The following COL4A3 variants were observed in gnomAD, a reference collection of about 807,000 sequenced individuals.
COL4A3 encodes collagen alpha-3(IV) chain.
In COL4A3, 135 loss-of-function variants were observed where a neutral mutation model predicts 217.4. The observed-to-expected ratio is 0.62, with a 90% CI of 0.54 to 0.72. The LOEUF is 0.72. COL4A3 is among the 30% of genes least tolerant of loss of function. The pLI, the probability that COL4A3 is intolerant of heterozygous loss-of-function variation, is 0.00. For synonymous variants in COL4A3, 690 were observed against 736.3 expected, an observed-to-expected ratio of 0.94 and a Z score of 1.02; for missense variants, 1,868 against 2,119.9, an observed-to-expected ratio of 0.88 and a Z score of 2.33.
intron 20 of COL4A3, 92 bp from the exon 21 acceptor site, chr2:227,263,688 T>C: frequency 1.5e-6 from 2 of 1,304,184 alleles, no homozygotes; most frequent in Non-Finnish European, 1.1e-6. Flanking sequence ...GCAATTTTTA[T>C]AAATAAAATT....
At chr2:227,167,704 A>G (rs2065328488) in intron 1 of COL4A3, among the ~76,000 whole-genome samples, 1 of 152,208 alleles carries the variant, frequency 6.6e-6, no homozygotes, top group African/African-American at 2.4e-5. Context: ...AAATTAGAAA[A>G]CAAAAAGTAA....
At chr2:227,183,290 C>A (rs2065914903) in intron 1 of COL4A3, among the ~76,000 whole-genome samples, 1 of 152,132 alleles carries the variant, frequency 6.6e-6, no homozygotes, top group African/African-American at 2.4e-5. Context: ...CACTCTCATT[C>A]TGGGGCCTCC....
chr2:227,272,023 G>T (rs1248148986), intron 25 of COL4A3, among the ~76,000 whole-genome samples: 1 of 152,194 alleles, frequency 6.6e-6, no homozygotes, highest in African/African-American at 2.4e-5. Context: ...TCCACATGAA[G>T]ATAAGCTATC....
chr2:227,303,913 G>A lies in COL4A3; in HGVS notation c.4010G>A (p.Gly1337Glu), dbSNP rs779855573. 2.5e-6 allele frequency: 4 copies of A among 1,614,176 alleles called. No homozygotes were observed. Among genetic ancestry groups the A allele is most frequent in the Non-Finnish European group, 3.4e-6 (4 of 1,180,032 alleles). Residue 1337 changes from glycine (G) to glutamate (E), a missense_variant, in exon 45 of 52, where the codon GGG becomes GAG. Gly to Glu is a moderately conservative substitution (Grantham distance 98). Transcript: ENST00000396578. ...LGSIGPPGPI[G>E]PKGPPGVRGD... ...TCCATTGGACCTCCAGGACCAATTG[G>A]GCCAAAAGGACCACCTGGTAAATAA...
chr2:227,271,472 T>TA (rs1388007492), intron 25 of COL4A3, among the ~76,000 whole-genome samples: 1 of 109,390 alleles, frequency 9.1e-6, no homozygotes, highest in East Asian at 3.6e-4. Flanking sequence ...TTTTTTTTTT[T>TA]TTTTTTTTTT....
At chr2:227,220,140 G>GTGTT (rs753519435) in intron 1 of COL4A3, among the ~76,000 whole-genome samples, 7 of 142,214 alleles carry the variant, frequency 4.9e-5, no homozygotes, top group African/African-American at 1.9e-4. Context: ...GGTTTTATGT[G>GTGTT]TGTGTGTGTG....
intron 35 of COL4A3, 143 bp downstream of exon 35, chr2:227,289,391 C>A: frequency 1.4e-6 from 1 of 733,742 alleles, no homozygotes. Flanking sequence ...ACTAAATTAA[C>A]TAAAAGAAGG....
At chr2:227,214,768 G>A (rs1052593447) in intron 1 of COL4A3, among the ~76,000 whole-genome samples, 8 of 152,204 alleles carry the variant, frequency 5.3e-5, no homozygotes. Context: ...CCTTTGAAAT[G>A]TGGTCAGCTG....
chr2:227,247,995 AG>A (rs2069453365), intron 8 of COL4A3, among the ~76,000 whole-genome samples: 1 of 152,164 alleles, frequency 6.6e-6, no homozygotes, highest in Admixed American at 6.5e-5. Context: ...GCTGGAGTAC[AG>A]TGGCACGATC....
intron 1 of COL4A3, among the ~76,000 whole-genome samples, chr2:227,171,399 C>T (rs2065468572): frequency 6.6e-6 from 1 of 152,156 alleles, no homozygotes; most frequent in African/African-American, 2.4e-5. Flanking sequence ...GAGTGGGCAC[C>T]TGTGAGAGTC....
chr2:227,278,371 T>C (rs4390760), intron 28 of COL4A3, among the ~76,000 whole-genome samples: 20,388 of 152,156 alleles, frequency 0.13, 1,364 homozygotes, highest in Non-Finnish European at 0.15. Flanking sequence ...GATTCTCACA[T>C]AGAACTGCAA....
At position 227,310,758 on chromosome 2, in the gene COL4A3, T is replaced by C. The variant is rs752749672; in HGVS notation, c.4756-18T>C. On this transcript the variant is annotated intron_variant, in intron 50 of 51. Transcript: ENST00000396578. ...CCAATGGACAGAGTGTTTATTCAGA[T>C]TTTTAAAATTGTGGTAGTTCACAAG... is the stretch of plus-strand genomic sequence containing the variant. 3 of 1,612,564 alleles carry C rather than the reference T, an allele frequency of 1.9e-6. No homozygotes were observed. The highest frequency in any genetic ancestry group is 1.7e-6 in the Non-Finnish European group (2 of 1,178,706).
rs2071883244 is a variant in COL4A3 at position 227,280,427 on chromosome 2, T to A, written c.2224-13T>A. 6.2e-7 allele frequency: 1 copy of A among 1,613,876 alleles called. No homozygotes were observed. ...AAGCACTATATAGTAATAACACAATTTCTATGCTGTAGGGAGAACCAGCAG... is the reference window on the plus strand; with the variant it reads ...AAGCACTATATAGTAATAACACAATATCTATGCTGTAGGGAGAACCAGCAG... On this transcript the variant is annotated splice_polypyrimidine_tract_variant and intron_variant, in intron 29 of 51. Coordinates refer to ENST00000396578, the MANE Select transcript of COL4A3 (RefSeq NM_000091.5).
intron 1 of COL4A3, among the ~76,000 whole-genome samples, chr2:227,185,368 A>G (rs1390914116): frequency 6.6e-6 from 1 of 152,186 alleles, no homozygotes; most frequent in East Asian, 1.9e-4. Context: ...CCCAAGTGTG[A>G]GTGCACAGTG....
rs1434266764 is a variant in COL4A3 at position 227,269,913 on chromosome 2, G to T, written c.1508G>T (p.Arg503Ile). The change falls in exon 24 of 52, where the codon AGA becomes ATA. Residue 503 changes from arginine to isoleucine, a missense_variant. Physicochemically the swap from Arg to Ile is moderately conservative, Grantham distance 97. Transcript: ENST00000396578. ...GLHGVKGIPG[R>I]QGAAGLKGSP... ...TTAATAATTCGTTGATTTGCAGGAAGACAAGGCGCAGCTGGCTTGAAAGGA... is the reference window on the plus strand; with the variant it reads ...TTAATAATTCGTTGATTTGCAGGAATACAAGGCGCAGCTGGCTTGAAAGGA... The T allele has an allele frequency of 6.2e-7, 1 of 1,613,662 alleles. No individual in the cohort carries two copies. The highest frequency in any genetic ancestry group is 8.5e-7 in the Non-Finnish European group (1 of 1,179,808).
rs778209649 is a variant in COL4A3, at chr2:227,244,333, T to A, written c.248T>A (p.Leu83His). 1.9e-6 allele frequency: 3 copies of A among 1,613,876 alleles called. No individual in the cohort carries two copies. The African/African-American group carries it at 4.0e-5, about 22-fold the overall frequency. Reference protein sequence around the residue: ...GPQGPKGFPGLPGLTGSKGVR... With the variant: ...GPQGPKGFPGHPGLTGSKGVR... ...ACTTGAATCTAGGGCTTTCCAGGAC[T>A]TCCAGGACTCACGGGTTCCAAAGGT... Residue 83 changes from leucine to histidine, a missense_variant, in exon 4 of 52, where the codon CTT becomes CAT. Leu to His is a moderately conservative substitution (Grantham distance 99). Transcript: ENST00000396578.
At chr2:227,218,043 C>CTATATATAGTCACATATATAGTTATAAT (rs1294071628) in intron 1 of COL4A3, among the ~76,000 whole-genome samples, 2 of 137,126 alleles carry the variant, frequency 1.5e-5, no homozygotes, top group Non-Finnish European at 3.1e-5. Context: ...ATAGTTATAA[C>CTATATATAGTCACATATATAGTTATAAT]TATATTTAAC....
chr2:227,299,602 A>G (rs2073190639), intron 43 of COL4A3, among the ~76,000 whole-genome samples: 2 of 152,212 alleles, frequency 1.3e-5, no homozygotes, highest in Admixed American at 6.5e-5. Flanking sequence ...TCGTTAGTAC[A>G]AGAGTACTAT....
Position 227,309,261 on chromosome 2 carries a change from C to T in COL4A3, c.4698C>T (p.Asp1566=), listed in dbSNP as rs2106289445. ...IAIAVHSQTT[D]IPPCPHGWIS... Reference sequence around the variant, plus strand: ...TAGCCGTTCACAGCCAAACCACTGACATTCCTCCATGTCCTCACGGCTGGA... The same window carrying T: ...TAGCCGTTCACAGCCAAACCACTGATATTCCTCCATGTCCTCACGGCTGGA... The change falls in exon 50 of 52, where the codon GAC becomes GAT. Residue 1566 remains aspartate (D), a synonymous_variant. Coordinates refer to ENST00000396578, the MANE Select transcript of COL4A3 (RefSeq NM_000091.5). 1 of 1,614,212 alleles carries T rather than the reference C, an allele frequency of 6.2e-7. No individual in the cohort carries two copies. Among genetic ancestry groups the T allele is most frequent in the Non-Finnish European group, 8.5e-7 (1 of 1,180,038 alleles).
Sources: allele counts gnomAD v4.1 joint callset (sites outside exome capture counted in the v4.1 genomes callset), GRCh38; gene constraint gnomAD v4.1.1; transcripts MANE v1.5; gene names NCBI Gene and HGNC (gene_info 2026-07-23, HGNC 2026-07-21).